The following SNAP25 variants were observed in gnomAD, a reference collection of about 807,000 sequenced individuals.
SNAP25 encodes synaptosome associated protein 25, also known as synaptosomal-associated protein 25.
A neutral mutation model predicts 28.7 loss-of-function variants in SNAP25; 3 were observed. The observed-to-expected ratio is 0.10, with a 90% CI of 0.05 to 0.27. The LOEUF is 0.27. Among genes scored for constraint, SNAP25 ranks in the 10% least tolerant of loss-of-function variants. The pLI, the probability that SNAP25 is intolerant of heterozygous loss-of-function variation, is 1.00. For synonymous variants in SNAP25, 61 were observed against 88.1 expected (o/e 0.69, Z 1.72); for missense variants, 117 against 278.7 (o/e 0.42, Z 4.13).
chr20:10,223,297 C>A (rs1281520013), intron 1 of SNAP25, among the ~76,000 whole-genome samples: 1 of 152,174 alleles, frequency 6.6e-6, no homozygotes, highest in Non-Finnish European at 1.5e-5. Context: ...ACTACTCTCA[C>A]AGAAGAGCTT....
rs190845488 is a variant in SNAP25, at chr20:10,222,362, T to C, written c.-64+3385T>C. ...GCGATATCGCAGTGGACTGGAACAA[T>C]CTGAGAGAAGAGGCAGGCCTTGAGA... On this transcript the variant is annotated intron_variant, in intron 1 of 7. Coordinates refer to ENST00000254976, the MANE Select transcript of SNAP25 (RefSeq NM_130811.4). 5.3e-3 allele frequency among the ~76,000 whole-genome samples: 809 copies of C among 152,266 alleles called. 1 individual carries two copies. Among genetic ancestry groups the C allele is most frequent in the Non-Finnish European group, 9.6e-3 (653 of 68,016 alleles).
chr20:10,236,849 G>T (rs363029), intron 1 of SNAP25, among the ~76,000 whole-genome samples: 20,392 of 151,744 alleles, frequency 0.13, 2,479 homozygotes, highest in African/African-American at 0.33. Context: ...ACATTTGCTC[G>T]ACTCACTTCA....
At chr20:10,276,228 T>A (rs2063689371) in intron 2 of SNAP25, among the ~76,000 whole-genome samples, 1 of 152,072 alleles carries the variant, frequency 6.6e-6, no homozygotes, top group Admixed American at 6.6e-5. Context: ...GGCAGGAGGA[T>A]CGCATAGGCC....
chr20:10,270,206 A>G (rs554183359), intron 1 of SNAP25, among the ~76,000 whole-genome samples: 26 of 152,250 alleles, frequency 1.7e-4, no homozygotes, highest in African/African-American at 5.1e-4. Flanking sequence ...GTGAGCCGAG[A>G]TCATGCCATT....
chr20:10,230,013 G>A (rs1452698967), intron 1 of SNAP25, among the ~76,000 whole-genome samples: 3 of 152,254 alleles, frequency 2.0e-5, no homozygotes, highest in Admixed American at 1.3e-4. Flanking sequence ...AGGAGAAAGG[G>A]CTGCAGAAAT....
chr20:10,220,387 A>C (rs2062607405), intron 1 of SNAP25, among the ~76,000 whole-genome samples: 1 of 152,224 alleles, frequency 6.6e-6, no homozygotes, highest in Admixed American at 6.5e-5. Flanking sequence ...TGGTTATCGC[A>C]GGCTGATAGC....
At chr20:10,222,136 A>T (rs1240351881) in intron 1 of SNAP25, among the ~76,000 whole-genome samples, 1 of 152,266 alleles carries the variant, frequency 6.6e-6, no homozygotes, top group Middle Eastern at 3.2e-3. Context: ...AATGAATCCC[A>T]TGGGAGTTAT....
At chr20:10,292,016 A>T (rs1371638708) in intron 4 of SNAP25, among the ~76,000 whole-genome samples, 1 of 152,200 alleles carries the variant, frequency 6.6e-6, no homozygotes, top group African/African-American at 2.4e-5. Flanking sequence ...CTATTGATCT[A>T]TGTACTTAGA....
chr20:10,237,285 A>C (rs958540657), intron 1 of SNAP25, among the ~76,000 whole-genome samples: 12 of 152,308 alleles, frequency 7.9e-5, no homozygotes, highest in Admixed American at 4.6e-4. Flanking sequence ...AGTATTATGC[A>C]CCAACTCCCA....
chr20:10,257,168 A>G (rs4813024), intron 1 of SNAP25, among the ~76,000 whole-genome samples: 136,196 of 152,156 alleles, frequency 0.9, 61,173 homozygotes, highest in African/African-American at 0.97. Context: ...ATTTAAATGC[A>G]CCCCTCCAGA....
intron 1 of SNAP25, among the ~76,000 whole-genome samples, chr20:10,262,943 G>A (rs1212114102): frequency 6.6e-6 from 1 of 151,154 alleles, no homozygotes; most frequent in Non-Finnish European, 1.5e-5. Context: ...GGGGAGTAGT[G>A]GGTCAAAAGC....
chr20:10,246,387 G>A (rs942078899), intron 1 of SNAP25, among the ~76,000 whole-genome samples: 4 of 152,190 alleles, frequency 2.6e-5, no homozygotes, highest in African/African-American at 9.7e-5. Flanking sequence ...GAGGGGAATT[G>A]CACTTACAAG....
chr20:10,306,413 A>C lies in SNAP25; in HGVS notation c.*216A>C, dbSNP rs765944705. 3 of 445,526 alleles carry C rather than the reference A, an allele frequency of 6.7e-6. No individual in the cohort carries two copies. The Admixed American group carries it at 1.2e-4, about 18-fold the overall frequency. The allele number at this position is 445,526 out of a possible 1,614,324, so 27.6% of individuals were successfully genotyped here. On this transcript the variant is annotated 3_prime_UTR_variant, in exon 8 of 8. Coordinates refer to ENST00000254976, the MANE Select transcript of SNAP25 (RefSeq NM_130811.4). ...TTTCCAAAGGTTGTACATAGTGGTCATTTGGTGGCTCTAACTCCTTGAGGT... is the reference window on the plus strand; with the variant it reads ...TTTCCAAAGGTTGTACATAGTGGTCCTTTGGTGGCTCTAACTCCTTGAGGT...
intron 3 of SNAP25, 93 bp from the exon 4 acceptor site, chr20:10,284,631 A>G: frequency 1.0e-6 from 1 of 978,726 alleles, no homozygotes; most frequent in Non-Finnish European, 1.6e-6. Context: ...TTCATTTTCC[A>G]TTTATAGGGC....
chr20:10,225,829 A>T (rs951539082), intron 1 of SNAP25, among the ~76,000 whole-genome samples: 1 of 152,120 alleles, frequency 6.6e-6, no homozygotes, highest in African/African-American at 2.4e-5. Flanking sequence ...TTGAGAGATG[A>T]CTTTCCATGC....
In SNAP25 at chr20:10,306,480, C is replaced by T. The variant is rs2064363973; in HGVS notation, c.*283C>T. ...CATTTTCTCTCCTCGGTGGCATTTG[C>T]TGAATAACAACAATTTAGGAATGCT... is the stretch of plus-strand genomic sequence containing the variant. On this transcript the variant is annotated 3_prime_UTR_variant, in exon 8 of 8. Transcript: ENST00000254976. 5 of 313,090 alleles carry T rather than the reference C, an allele frequency of 1.6e-5. No individual in the cohort carries two copies. Among genetic ancestry groups the T allele is most frequent in the Non-Finnish European group, 3.0e-5 (5 of 169,040 alleles). 19.4% of individuals were successfully genotyped at this position (313,090 alleles called of 1,614,324 possible).
At chr20:10,279,863 G>T (rs138695399) in intron 3 of SNAP25, among the ~76,000 whole-genome samples, 1 of 152,218 alleles carries the variant, frequency 6.6e-6, no homozygotes, top group Admixed American at 6.5e-5. Context: ...AGAGTAGATT[G>T]ATTTGCTCTT....
At chr20:10,271,460 C>T (rs913685151) in intron 1 of SNAP25, among the ~76,000 whole-genome samples, 6 of 152,202 alleles carry the variant, frequency 3.9e-5, no homozygotes, top group Admixed American at 6.5e-5. Flanking sequence ...CATCAGCCCT[C>T]CTCCCAAATC....
Position 10,306,456 on chromosome 20 carries a change from A to C in SNAP25, c.*259A>C. On this transcript the variant is annotated 3_prime_UTR_variant, in exon 8 of 8. Transcript: ENST00000254976. Reference sequence around the variant, plus strand: ...CTTGAGGTCTTGAGTTTCATTTTTCATTTTCTCTCCTCGGTGGCATTTGCT... The same window carrying C: ...CTTGAGGTCTTGAGTTTCATTTTTCCTTTTCTCTCCTCGGTGGCATTTGCT... 2.8e-6 allele frequency: 1 copy of C among 360,276 alleles called. No homozygotes were observed. Among genetic ancestry groups the C allele is most frequent in the Non-Finnish European group, 5.0e-6 (1 of 198,828 alleles). 22.3% of individuals were successfully genotyped at this position (360,276 alleles called of 1,614,324 possible).
Sources: gnomAD v4.1 joint callset for allele counts (sites outside exome capture counted in the v4.1 genomes callset) on GRCh38, gnomAD v4.1.1 for gene constraint, MANE v1.5 for transcripts, NCBI Gene and HGNC (gene_info 2026-07-23, HGNC 2026-07-21) for gene names.